The following ZCCHC4 variants were observed in gnomAD, a reference collection of about 807,000 sequenced individuals.
The protein encoded by ZCCHC4 is rRNA N(6)-adenosine-methyltransferase ZCCHC4.
A neutral mutation model predicts 67.7 loss-of-function variants in ZCCHC4; 54 were observed. That is an observed-to-expected ratio of 0.80 (90% CI 0.64 to 1.00). The LOEUF is 1.00. Ranked by LOEUF, ZCCHC4 falls within the 50% of genes least tolerant of loss-of-function variation. The pLI is 0.00. For missense variants in ZCCHC4, 609 were observed against 617.0 expected (o/e 0.99, Z 0.14); for synonymous variants, 198 against 213.5 (o/e 0.93, Z 0.63).
intron 6 of ZCCHC4, among the ~76,000 whole-genome samples, chr4:25,347,399 T>C (rs1294127139): frequency 6.6e-6 from 1 of 152,220 alleles, no homozygotes; most frequent in African/African-American, 2.4e-5. Context: ...ACAATAATGG[T>C]TGGAATAAGC....
At position 25,369,330 on chromosome 4, in the gene ZCCHC4, C is replaced by A; in HGVS notation, c.*166C>A. The A allele has an allele frequency of 2.4e-6, 2 of 826,526 alleles. No individual in the cohort carries two copies. The highest frequency in any genetic ancestry group is 3.7e-6 in the Non-Finnish European group (2 of 541,328). 51.2% of individuals were successfully genotyped at this position (826,526 alleles called of 1,614,324 possible). On this transcript the variant is annotated 3_prime_UTR_variant, in exon 13 of 13. Coordinates refer to ENST00000302874, the MANE Select transcript of ZCCHC4 (RefSeq NM_024936.3). ...CTGGTTTACAGTCCCTTATCTGCCT[C>A]TCTGGAGACATGGGGAGTTGTTCCA...
At chr4:25,347,112 CA>C (rs1441983102) in intron 6 of ZCCHC4, among the ~76,000 whole-genome samples, 2 of 152,128 alleles carry the variant, frequency 1.3e-5, no homozygotes, top group African/African-American at 4.8e-5. Context: ...CAGGTGGAGT[CA>C]GGGCTGTGTC....
chr4:25,346,562 C>T (rs959266101), intron 6 of ZCCHC4, among the ~76,000 whole-genome samples: 1 of 152,022 alleles, frequency 6.6e-6, no homozygotes, highest in Admixed American at 6.6e-5. Flanking sequence ...TAAAAGTCAG[C>T]GTTCAGGAAA....
rs534049052 is a variant in ZCCHC4, at chr4:25,359,405, C to T, written c.1012-2454C>T. Among the ~76,000 whole-genome samples, 47 of 152,088 alleles carry T rather than the reference C, an allele frequency of 3.1e-4. 1 individual carries two copies. The highest frequency in any genetic ancestry group is 8.4e-4 in the African/African-American group (35 of 41,466). On this transcript the variant is annotated intron_variant, in intron 8 of 12. Transcript: ENST00000302874. This position sits in a 1 kb window ranked among gnomAD's most constrained non-coding sequence, Gnocchi z 4.9. ...ATGAATGGGGACCTCCAGGCACAGG[C>T]GGGGCACCTGGAGGCTCGGCTACAG...
intron 8 of ZCCHC4, chr4:25,352,302 C>G: frequency 1.0e-6 from 1 of 985,426 alleles, no homozygotes; most frequent in Non-Finnish European, 1.2e-6. Context: ...TCCACCTGGT[C>G]TTTTAAGTTC....
intron 3 of ZCCHC4, among the ~76,000 whole-genome samples, chr4:25,326,719 T>C (rs2109057862): frequency 6.6e-6 from 1 of 152,320 alleles, no homozygotes; most frequent in East Asian, 1.9e-4. Flanking sequence ...GTTTTCAGTT[T>C]CTACAAAAAA....
chr4:25,329,347 G>A (rs898928508), intron 3 of ZCCHC4, among the ~76,000 whole-genome samples: 2 of 151,710 alleles, frequency 1.3e-5, no homozygotes, highest in African/African-American at 2.4e-5. Flanking sequence ...TTTATTTTGA[G>A]GGCTTCATTT....
intron 3 of ZCCHC4, among the ~76,000 whole-genome samples, chr4:25,325,544 G>A (rs773426061): frequency 2.0e-5 from 3 of 152,088 alleles, no homozygotes; most frequent in East Asian, 1.9e-4. Flanking sequence ...GATTATAGGC[G>A]TGAGCCACTG....
chr4:25,343,459 G>T (rs148524577), intron 5 of ZCCHC4, among the ~76,000 whole-genome samples: 2 of 152,084 alleles, frequency 1.3e-5, no homozygotes, highest in African/African-American at 2.4e-5. Context: ...AAATATTTAC[G>T]CTGCTAATTA....
Position 25,314,848 on chromosome 4 carries a change from CTT to C in ZCCHC4, c.247-464_247-463del, listed in dbSNP as rs34344180. Among the ~76,000 whole-genome samples the C allele has an allele frequency of 2.0e-5, 3 of 152,184 alleles. No homozygotes were observed. In the East Asian group the frequency reaches 5.8e-4, roughly 29 times the overall value. ...TCATTCCAGAAAGTGTTAAAAAACA[CTT>C]TTTTTGAACATTTGCATTGAACATC... On this transcript the variant is annotated intron_variant, in intron 2 of 12. Coordinates refer to ENST00000302874, the MANE Select transcript of ZCCHC4 (RefSeq NM_024936.3).
Position 25,361,944 on chromosome 4 carries a change from C to T in ZCCHC4, c.1097C>T (p.Pro366Leu), listed in dbSNP as rs1460030970. Residue 366 changes from proline (P) to leucine (L), a missense_variant, in exon 9 of 13, where the codon CCC (proline) becomes CTC (leucine). Transcript: ENST00000302874. ...GTGCGTATTTTCACCAACATTCCGC[C>T]CAACAAAATAATCCTTCCTACTGAA... ...SPVRIFTNIP[P>L]NKIILPTEEG... 1 of 1,614,012 alleles carries T rather than the reference C, an allele frequency of 6.2e-7. No homozygotes were observed. Among genetic ancestry groups the T allele is most frequent in the South Asian group, 1.1e-5 (1 of 91,046 alleles).
chr4:25,329,993 T>A (rs1303704478), intron 3 of ZCCHC4, among the ~76,000 whole-genome samples: 2 of 152,108 alleles, frequency 1.3e-5, no homozygotes, highest in African/African-American at 2.4e-5. Context: ...TTTGATTTTT[T>A]AATTTTTTAC....
chr4:25,351,535 C>A (rs1322300544), intron 7 of ZCCHC4, 54 bp from the exon 8 acceptor site: 18 of 1,214,288 alleles, frequency 1.5e-5, no homozygotes, highest in Admixed American at 4.1e-5. Context: ...TCTACTGTAG[C>A]CTTCTATTTT....
chr4:25,314,487 T>C (rs1358789123), intron 2 of ZCCHC4, among the ~76,000 whole-genome samples: 1 of 152,194 alleles, frequency 6.6e-6, no homozygotes, highest in Non-Finnish European at 1.5e-5. Context: ...CAGACATCTG[T>C]TTCTTACAGT....
intron 3 of ZCCHC4, among the ~76,000 whole-genome samples, chr4:25,332,082 C>T (rs892042451): frequency 4.6e-5 from 7 of 152,006 alleles, no homozygotes; most frequent in African/African-American, 1.2e-4. Flanking sequence ...CCAAGGCGGG[C>T]GGATCACCTG....
chr4:25,328,134 A>G (rs968694439), intron 3 of ZCCHC4, among the ~76,000 whole-genome samples: 9 of 152,160 alleles, frequency 5.9e-5, no homozygotes, highest in African/African-American at 2.2e-4. Flanking sequence ...GTTTTTTGAA[A>G]GAATTTGTGT....
At chr4:25,348,473 G>A (rs955022498) in intron 6 of ZCCHC4, among the ~76,000 whole-genome samples, 1 of 152,074 alleles carries the variant, frequency 6.6e-6, no homozygotes, top group African/African-American at 2.4e-5. Context: ...TCAACCAACT[G>A]GAGATCAAAA....
chr4:25,351,577 G>A lies in ZCCHC4; in HGVS notation c.911-12G>A, dbSNP rs748923072. The A allele has an allele frequency of 1.3e-6, 2 of 1,547,366 alleles. No individual in the cohort carries two copies. Among genetic ancestry groups the A allele is most frequent in the South Asian group, 2.4e-5 (2 of 82,052 alleles). On this transcript the variant is annotated splice_polypyrimidine_tract_variant and intron_variant, in intron 7 of 12. Coordinates refer to ENST00000302874, the MANE Select transcript of ZCCHC4 (RefSeq NM_024936.3). ...AATTTACTATTATTTTTTCCTTTTTGTGATCCATTAGATGACAGTCACAAA... is the reference window on the plus strand; with the variant it reads ...AATTTACTATTATTTTTTCCTTTTTATGATCCATTAGATGACAGTCACAAA...
At chr4:25,326,040 G>C (rs1718867576) in intron 3 of ZCCHC4, among the ~76,000 whole-genome samples, 1 of 152,204 alleles carries the variant, frequency 6.6e-6, no homozygotes, top group South Asian at 2.1e-4. Context: ...CACAAGCTTA[G>C]TGGTATACAA....
Sources: gnomAD v4.1 joint callset for allele counts (sites outside exome capture counted in the v4.1 genomes callset) on GRCh38, gnomAD v4.1.1 for gene constraint, Gnocchi (gnomAD v3.1) non-coding constraint, MANE v1.5 for transcripts, NCBI Gene and HGNC (gene_info 2026-07-23, HGNC 2026-07-21) for gene names.